SYTL2: variants seen among roughly 807,000 people sequenced by gnomAD.
The protein encoded by SYTL2 is synaptotagmin-like protein 2.
Under a neutral mutation model 198.7 loss-of-function variants are expected in SYTL2, and 165 were observed. That is an observed-to-expected ratio of 0.83 (90% CI 0.73 to 0.94). SYTL2 has a LOEUF of 0.94. SYTL2 is among the 40% of genes least tolerant of loss of function. The pLI, the probability that SYTL2 is intolerant of heterozygous loss-of-function variation, is 0.00. For missense variants in SYTL2, 2,835 were observed against 2,582.8 expected (o/e 1.10, Z -2.12); for synonymous variants, 966 against 917.7 (o/e 1.05, Z -0.95).
intron 8 of SYTL2, among the ~76,000 whole-genome samples, chr11:85,723,177 C>T (rs1266368229): frequency 6.6e-6 from 1 of 152,160 alleles, no homozygotes; most frequent in Non-Finnish European, 1.5e-5. Context: ...CTGAGACAAG[C>T]CCTACATTTT....
At chr11:85,823,791 C>T in the SYTL2 span, among the ~76,000 whole-genome samples, 2 of 152,108 alleles carry the variant, frequency 1.3e-5, no homozygotes, top group Non-Finnish European at 2.9e-5. Context: ...GATTTTACTC[C>T]GGGTTACTTC....
chr11:85,812,588 G>A (rs2093049139), upstream of SYTL2, among the ~76,000 whole-genome samples: 1 of 152,204 alleles, frequency 6.6e-6, no homozygotes, highest in African/African-American at 2.4e-5. Flanking sequence ...GAAGGAGGGG[G>A]ACAATAAAAA....
chr11:85,826,036 T>C, the SYTL2 span, among the ~76,000 whole-genome samples: 1 of 152,222 alleles, frequency 6.6e-6, no homozygotes, highest in African/African-American at 2.4e-5. Flanking sequence ...CCAGATCCCA[T>C]TCTCAGGTGA....
chr11:85,799,467 G>C (rs978185943), intron 1 of SYTL2, among the ~76,000 whole-genome samples: 3 of 152,176 alleles, frequency 2.0e-5, no homozygotes, highest in African/African-American at 4.8e-5. Context: ...TAGGATTTCA[G>C]AGTTAGAAAC....
intron 1 of SYTL2, among the ~76,000 whole-genome samples, chr11:85,790,824 C>G (rs994824296): frequency 1.3e-5 from 2 of 152,028 alleles, no homozygotes; most frequent in African/African-American, 4.8e-5. Flanking sequence ...TGAAATGCAG[C>G]AGAAGAAATG....
rs770908070 is a variant in SYTL2, at chr11:85,725,973, T to C, written c.3385A>G (p.Lys1129Glu). The C allele has an allele frequency of 1.2e-6, 2 of 1,614,184 alleles. No individual in the cohort carries two copies. The highest frequency in any genetic ancestry group is 1.7e-5 in the Admixed American group (1 of 60,014). Residue 1129 changes from lysine to glutamate, a missense_variant, in exon 8 of 20, where the codon AAA (lysine) becomes GAA (glutamate). Lys to Glu is a moderately conservative substitution (Grantham distance 56). Coordinates refer to ENST00000359152, the MANE Select transcript of SYTL2 (RefSeq NM_206927.4). ...IKTNVLSKDC[K>E]DTFNDSLQKL... ...TGCAAGCTGTCATTAAAAGTGTCTT[T>C]GCAGTCTTTAGACAAAACATTGGTT...
chr11:85,833,106 G>A, the SYTL2 span, among the ~76,000 whole-genome samples: 202 of 35,654 alleles, frequency 5.7e-3, 11 homozygotes, highest in South Asian at 0.014. Context: ...AAAGAAGGAA[G>A]GAAGGAAGGA....
At chr11:85,738,187 C>T (rs1224970115) in intron 4 of SYTL2, among the ~76,000 whole-genome samples, 1 of 152,150 alleles carries the variant, frequency 6.6e-6, no homozygotes, top group Non-Finnish European at 1.5e-5. Flanking sequence ...CCCCCAAGGC[C>T]ACAGAACCTC....
In SYTL2 at chr11:85,734,386, C is replaced by G; in HGVS notation, c.943G>C (p.Glu315Gln). The part of the protein sequence containing the change: ...LTIHERISEK[E>Q]HSLEDNSSPN... The stretch of plus-strand genomic sequence containing the variant: ...GAAGAGTTGTCTTCTAAAGAATGCT[C>G]CTTCTCAGAAATTCTCTCATGGATG... The change falls in exon 7 of 20, where the codon GAG (glutamate) becomes CAG (glutamine). Residue 315 changes from glutamate to glutamine, a missense_variant. Coordinates refer to ENST00000359152, the MANE Select transcript of SYTL2 (RefSeq NM_206927.4). 1 of 1,614,206 alleles carries G rather than the reference C, an allele frequency of 6.2e-7. No homozygotes were observed. Among genetic ancestry groups the G allele is most frequent in the Non-Finnish European group, 8.5e-7 (1 of 1,180,034 alleles).
rs1475333326 is a variant in SYTL2, at chr11:85,727,307, G to A, written c.2051C>T (p.Pro684Leu). The A allele has an allele frequency of 7.8e-6, 12 of 1,535,584 alleles. No individual in the cohort carries two copies. Among genetic ancestry groups the A allele is most frequent in the South Asian group, 1.2e-5 (1 of 83,924 alleles). ...GTTGCCAATATTATTAGTGTTGCAT[G>A]GAACTTGGTTTTCTGCATCAGATTC... ...LKESDAENQV[P>L]CNTNNIGNLG... The change falls in exon 8 of 20, where the codon CCA becomes CTA. Residue 684 changes from proline to leucine, a missense_variant. This residue lies in a region of SYTL2 where 2,645 missense variants were observed against 2,381.7 expected (regional missense o/e 1.11). Transcript: ENST00000359152.
the SYTL2 span, among the ~76,000 whole-genome samples, chr11:85,842,867 A>C: frequency 4.6e-5 from 7 of 152,220 alleles, no homozygotes; most frequent in Non-Finnish European, 1.0e-4. Context: ...TGGGACCTGT[A>C]CTAGGGAGGA....
chr11:85,791,166 CAAAAAAAAAAAAAAAAA>C (rs568061365), intron 1 of SYTL2, among the ~76,000 whole-genome samples: 3 of 39,516 alleles, frequency 7.6e-5, no homozygotes, highest in East Asian at 8.7e-4. Flanking sequence ...GAGTCTGCCT[CAAAAAAAAAAAAAAAAA>C]AAAAAAAAAA....
the SYTL2 span, chr11:85,854,254 T>G: frequency 7.3e-6 from 1 of 137,656 alleles, no homozygotes; most frequent in South Asian, 2.1e-4. Context: ...GAACTGTTAT[T>G]TCTAAGTGCT....
At chr11:85,780,467 G>A (rs1178802405) in intron 1 of SYTL2, among the ~76,000 whole-genome samples, 1 of 152,142 alleles carries the variant, frequency 6.6e-6, no homozygotes, top group African/African-American at 2.4e-5. Flanking sequence ...CCAGTCTCTG[G>A]GGAGAAGAGA....
chr11:85,803,903 CAG>C (rs1175855072), intron 1 of SYTL2, among the ~76,000 whole-genome samples: 1 of 152,156 alleles, frequency 6.6e-6, no homozygotes, highest in East Asian at 1.9e-4. Context: ...GGGACTGACA[CAG>C]AGTATGCACT....
intron 5 of SYTL2, among the ~76,000 whole-genome samples, chr11:85,736,906 T>C (rs983559082): frequency 4.6e-5 from 7 of 152,176 alleles, no homozygotes; most frequent in African/African-American, 1.7e-4. Context: ...GCCCCGGATA[T>C]AGCAAAGACC....
Position 85,724,277 on chromosome 11 carries a change from C to G in SYTL2, c.5081G>C (p.Gly1694Ala). 3 of 1,562,058 alleles carry G rather than the reference C, an allele frequency of 1.9e-6. No individual in the cohort carries two copies. The highest frequency in any genetic ancestry group is 2.6e-6 in the Non-Finnish European group (3 of 1,159,962). The part of the protein sequence containing the change: ...DRDSESGVAG[G>A]QGTLQEPGFG... ...GCCAGGTTCCTGAAGAGTCCCTTGT[C>G]CCCCTGCAACCCCACTTTCACTGTC... is the stretch of plus-strand genomic sequence containing the variant. The change falls in exon 8 of 20, where the codon GGA becomes GCA. Residue 1694 changes from glycine to alanine, a missense_variant. Gly to Ala is a moderately conservative substitution (Grantham distance 60, BLOSUM62 0). Coordinates refer to ENST00000359152, the MANE Select transcript of SYTL2 (RefSeq NM_206927.4).
chr11:85,725,821 A>G lies in SYTL2; in HGVS notation c.3537T>C (p.Asp1179=). 1.9e-6 allele frequency: 3 copies of G among 1,614,070 alleles called. No individual in the cohort carries two copies. The highest frequency in any genetic ancestry group is 2.2e-5 in the South Asian group (2 of 91,052). Residue 1179 remains aspartate (D), a synonymous_variant, in exon 8 of 20, where the codon GAT becomes GAC. Transcript: ENST00000359152. The stretch of plus-strand genomic sequence containing the variant: ...CAGGTCCTTTGACTTCTTCCTCAGT[A>G]TCAGCAAAATCTGTTTTTTGAGGCC... ...RTWPQKTDFA[D]TEEEVKGPEK...
chr11:85,806,057 C>G (rs2092954844), intron 1 of SYTL2, among the ~76,000 whole-genome samples: 2 of 152,256 alleles, frequency 1.3e-5, no homozygotes, highest in African/African-American at 2.4e-5. Flanking sequence ...TCTGAGGACA[C>G]TGCACCACAT....
Sources: gnomAD v4.1 joint callset for allele counts (sites outside exome capture counted in the v4.1 genomes callset) on GRCh38, gnomAD v4.1.1 for gene constraint, gnomAD v4.1.1 regional missense constraint, MANE v1.5 for transcripts, NCBI Gene and HGNC (gene_info 2026-07-23, HGNC 2026-07-21) for gene names.